Variants in USP28 observed in about 807,000 individuals in gnomAD.
USP28 encodes the protein ubiquitin carboxyl-terminal hydrolase 28.
Under a neutral mutation model 145.0 loss-of-function variants are expected in USP28, and 113 were observed. That is an observed-to-expected ratio of 0.78 (90% CI 0.67 to 0.91). The LOEUF is 0.91. Ranked by LOEUF, USP28 falls within the 40% of genes least tolerant of loss-of-function variation. The probability of loss-of-function intolerance (pLI) is 0.00; values close to 1 mark genes in which losing one functional copy is unlikely to be tolerated. For missense variants in USP28, 1,201 were observed against 1,289.6 expected (o/e 0.93, Z 1.05); for synonymous variants, 447 against 450.9 (o/e 0.99, Z 0.11).
intron 1 of USP28, among the ~76,000 whole-genome samples, chr11:113,864,705 G>A (rs191388933): frequency 1.4e-3 from 209 of 152,140 alleles, no homozygotes; most frequent in Non-Finnish European, 2.4e-3. Flanking sequence ...ACCCACATTA[G>A]GGAGTTCAAA....
At chr11:113,870,825 G>C (rs1948737686) in intron 1 of USP28, among the ~76,000 whole-genome samples, 1 of 152,188 alleles carries the variant, frequency 6.6e-6, no homozygotes, top group South Asian at 2.1e-4. Flanking sequence ...TGAATACATT[G>C]TCACTGGAAA....
chr11:113,851,995 A>T (rs752426794), intron 3 of USP28, among the ~76,000 whole-genome samples: 1 of 152,198 alleles, frequency 6.6e-6, no homozygotes, highest in Non-Finnish European at 1.5e-5. Context: ...CTCACTAAAT[A>T]AATGCTAAAC....
chr11:113,850,572 T>A (rs2136411327), intron 3 of USP28, among the ~76,000 whole-genome samples: 1 of 152,252 alleles, frequency 6.6e-6, no homozygotes, highest in South Asian at 2.1e-4. Flanking sequence ...GGCCCAAATG[T>A]CCATTAACAC....
At chr11:113,846,566 T>C (rs1176630677) in intron 3 of USP28, among the ~76,000 whole-genome samples, 1 of 152,192 alleles carries the variant, frequency 6.6e-6, no homozygotes, top group Non-Finnish European at 1.5e-5. Flanking sequence ...TCACAACAAT[T>C]TGACTATTCT....
chr11:113,823,529 A>T, intron 12 of USP28, 76 bp downstream of exon 12: 1 of 1,162,272 alleles, frequency 8.6e-7, no homozygotes, highest in Non-Finnish European at 1.2e-6. Flanking sequence ...ACGTTGAGTT[A>T]ATTTTTAAAG....
rs1018983803 is a variant in USP28 at position 113,821,254 on chromosome 11, C to T, written c.1283+2351G>A. 2.7e-5 allele frequency: 6 copies of T among 223,208 alleles called. No individual in the cohort carries two copies. The East Asian group carries it at 3.4e-4, about 13-fold the overall frequency. The allele number at this position is 223,208 out of a possible 1,614,324, so 13.8% of individuals were successfully genotyped here. ...CTGGTCTGGCAGTCCACAGTGTGGC[C>T]AGGGGGAAGGATGTACTCGTTATGA... On this transcript the variant is annotated intron_variant, in intron 12 of 24. Coordinates refer to ENST00000003302, the Ensembl canonical transcript of USP28.
intron 2 of USP28, 140 bp downstream of exon 2, chr11:113,854,118 A>C (rs1030199055): frequency 4.2e-6 from 3 of 715,728 alleles, no homozygotes; most frequent in African/African-American, 1.8e-5. Flanking sequence ...TGTTGAAGAC[A>C]TTGGGTCAGT....
At chr11:113,800,702 A>C (rs1188176670) in intron 24 of USP28, among the ~76,000 whole-genome samples, 1 of 152,110 alleles carries the variant, frequency 6.6e-6, no homozygotes, top group Non-Finnish European at 1.5e-5. Context: ...CCAGCTTTAC[A>C]TTCCCTCCTT....
intron 12 of USP28, among the ~76,000 whole-genome samples, chr11:113,818,567 A>G (rs973644397): frequency 5.9e-5 from 9 of 152,218 alleles, no homozygotes; most frequent in African/African-American, 2.2e-4. Flanking sequence ...TTTATGACAT[A>G]ACAATTTTCA....
chr11:113,811,263 TG>T (rs1325338844), intron 16 of USP28, among the ~76,000 whole-genome samples: 1 of 152,234 alleles, frequency 6.6e-6, no homozygotes, highest in African/African-American at 2.4e-5. Context: ...TTTTCACAGC[TG>T]TAAGTTCTTA....
chr11:113,819,987 A>G (rs1027688348), intron 12 of USP28, among the ~76,000 whole-genome samples: 1 of 152,232 alleles, frequency 6.6e-6, no homozygotes, highest in African/African-American at 2.4e-5. Flanking sequence ...ACTAAAAACC[A>G]TTAACCCATT....
intron 3 of USP28, 70 bp from the exon 4 acceptor site, chr11:113,841,838 G>A: frequency 9.4e-7 from 1 of 1,062,524 alleles, no homozygotes; most frequent in Non-Finnish European, 1.4e-6. Context: ...ATAAGAAAAA[G>A]GTAAAGACAT....
intron 12 of USP28, among the ~76,000 whole-genome samples, chr11:113,822,195 T>C (rs1942705127): frequency 6.6e-6 from 1 of 152,176 alleles, no homozygotes; most frequent in Non-Finnish European, 1.5e-5. Flanking sequence ...CTCACGCCTA[T>C]AATCCCAGGA....
Position 113,799,296 on chromosome 11 carries a change from G to A in USP28, c.3178C>T (p.Arg1060Ter), listed in dbSNP as rs369694271. The A allele has an allele frequency of 1.7e-5, 28 of 1,613,960 alleles. No individual in the cohort carries two copies. Among genetic ancestry groups the A allele is most frequent in the Non-Finnish European group, 2.4e-5 (28 of 1,179,996 alleles). ...ATTGACTCCATGACAGCTGCAAATC[G>A]GCTACATAGGTCATAGGGAGAATTG... is the stretch of plus-strand genomic sequence containing the variant. Residue 1060 changes from arginine (R) to a stop codon, truncating the protein, a stop_gained, in exon 25 of 25, where the codon CGA becomes TGA. Coordinates refer to ENST00000003302, the Ensembl canonical transcript of USP28. LOFTEE classifies it high-confidence loss of function.
intron 5 of USP28, among the ~76,000 whole-genome samples, chr11:113,835,000 G>A (rs903522615): frequency 6.6e-6 from 1 of 152,076 alleles, no homozygotes; most frequent in Non-Finnish European, 1.5e-5. Flanking sequence ...TATGACTGTG[G>A]GAAAGGGAGG....
At chr11:113,875,531 T>C in exon 1 of USP28, 1 of 1,144,950 alleles carries the variant, frequency 8.7e-7, no homozygotes. Context: ...GGGTCACCGG[T>C]CTCCCGCCGC....
chr11:113,829,288 T>C (rs778025542), exon 10 of USP28: 7 of 1,614,176 alleles, frequency 4.3e-6, no homozygotes, highest in Non-Finnish European at 5.9e-6. Context: ...TAAGTTGCGA[T>C]AACCGTTTAC....
At chr11:113,799,813 T>G (rs1361981576) in intron 24 of USP28, among the ~76,000 whole-genome samples, 1 of 152,156 alleles carries the variant, frequency 6.6e-6, no homozygotes. Context: ...TGAACCTCAC[T>G]AACAATAGCT....
intron 1 of USP28, among the ~76,000 whole-genome samples, chr11:113,854,816 C>T (rs923537638): frequency 6.6e-6 from 1 of 152,132 alleles, no homozygotes; most frequent in African/African-American, 2.4e-5. Context: ...CATGGAAATA[C>T]CTTTGGTACT....
Sources: allele counts gnomAD v4.1 joint callset (sites outside exome capture counted in the v4.1 genomes callset), GRCh38; gene constraint gnomAD v4.1.1; transcripts MANE v1.5; gene names NCBI Gene and HGNC (gene_info 2026-07-23, HGNC 2026-07-21).